Variants in GPR55 observed in about 807,000 individuals in gnomAD.
GPR55 encodes G protein-coupled receptor 55.
Under a neutral mutation model 7.9 loss-of-function variants are expected in GPR55, and 6 were observed. The ratio of observed to expected loss-of-function variants is 0.76; its 90% confidence interval spans 0.41 to 1.49. GPR55 has a LOEUF of 1.49. Ranked by LOEUF, GPR55 falls within the 40% of genes most tolerant of loss-of-function variation. GPR55 has a pLI of 0.01. For missense variants in GPR55, 376 were observed against 406.0 expected (o/e 0.93, Z 0.63); for synonymous variants, 183 against 166.8 (o/e 1.10, Z -0.75).
chr2:230,958,445 G>T (rs544616871), intron 1 of GPR55, among the ~76,000 whole-genome samples: 1 of 151,228 alleles, frequency 6.6e-6, no homozygotes, highest in Non-Finnish European at 1.5e-5. Flanking sequence ...AGTTATTATT[G>T]ACTATAGTCA....
At chr2:230,929,728 G>A (rs1239480798), upstream of GPR55, 1 of 152,208 alleles carries the variant, frequency 6.6e-6, no homozygotes, top group Non-Finnish European at 1.5e-5. Context: ...ATCACCGAAA[G>A]CCCACGGCAT....
chr2:230,925,942 G>A (rs550370379), upstream of GPR55, among the ~76,000 whole-genome samples: 15 of 152,256 alleles, frequency 9.9e-5, no homozygotes, highest in African/African-American at 1.9e-4. Flanking sequence ...AGACTCACCC[G>A]TGGGCCTGGG....
intron 1 of GPR55, among the ~76,000 whole-genome samples, chr2:230,958,809 G>T (rs1691528637): frequency 6.6e-6 from 1 of 152,134 alleles, no homozygotes; most frequent in African/African-American, 2.4e-5. Context: ...TCACCCTATG[G>T]CCTTAGCACC....
chr2:230,926,682 C>CTTTT (rs56318183), upstream of GPR55, among the ~76,000 whole-genome samples: 157 of 100,916 alleles, frequency 1.6e-3, no homozygotes, highest in Non-Finnish European at 2.2e-3. Context: ...TGGCTACCTT[C>CTTTT]TTTTTTTTTT....
intron 1 of GPR55, among the ~76,000 whole-genome samples, chr2:230,935,552 C>G (rs1310027154): frequency 2.0e-5 from 3 of 152,174 alleles, no homozygotes; most frequent in Non-Finnish European, 4.4e-5. Context: ...ACTGTGCGCA[C>G]CCATCCAGAT....
chr2:230,958,210 TATA>T (rs747789714), intron 1 of GPR55, among the ~76,000 whole-genome samples: 4 of 152,372 alleles, frequency 2.6e-5, no homozygotes, highest in East Asian at 3.9e-4. Flanking sequence ...TCAGCAGGCA[TATA>T]ATGTTAGTCT....
chr2:230,914,683 G>C (rs1690669476), intron 1 of GPR55, among the ~76,000 whole-genome samples: 1 of 152,136 alleles, frequency 6.6e-6, no homozygotes, highest in Non-Finnish European at 1.5e-5. Flanking sequence ...GCAGCAACTA[G>C]CACCATTTGC....
At position 230,910,683 on chromosome 2, in the gene GPR55, A is replaced by G. The variant is rs776815830; in HGVS notation, c.280T>C (p.Cys94Arg). 1.9e-6 allele frequency: 3 copies of G among 1,612,998 alleles called. No individual in the cohort carries two copies. The South Asian group carries it at 3.3e-5, about 18-fold the overall frequency. ...SQVQSPFPSLCTLVECLYFVS... is the reference protein window; with the variant it reads ...SQVQSPFPSLRTLVECLYFVS... ...AAGTAAAGGCACTCCACCAGGGTGCACAGGGACGGGAAGGGGGACTGTACC... is the reference window on the plus strand; with the variant it reads ...AAGTAAAGGCACTCCACCAGGGTGCGCAGGGACGGGAAGGGGGACTGTACC... The change falls in exon 2 of 2, where the codon TGC becomes CGC. Residue 94 changes from cysteine to arginine, a missense_variant. Transcript: ENST00000650999. The surrounding 1 kb of genome is among the most constrained non-coding windows in gnomAD (Gnocchi z 5.4).
At chr2:230,943,750 G>A (rs1020998583) in intron 1 of GPR55, among the ~76,000 whole-genome samples, 1 of 152,066 alleles carries the variant, frequency 6.6e-6, no homozygotes, top group Non-Finnish European at 1.5e-5. Flanking sequence ...TCCTTCTTGC[G>A]AGATCTGGCT....
At chr2:230,949,956 C>A (rs1324173232) in intron 1 of GPR55, among the ~76,000 whole-genome samples, 1 of 151,700 alleles carries the variant, frequency 6.6e-6, no homozygotes, top group Non-Finnish European at 1.5e-5. Flanking sequence ...GCCTCAGCCT[C>A]CCAAATAGCT....
chr2:230,946,230 G>A (rs1025519344), intron 1 of GPR55, among the ~76,000 whole-genome samples: 2 of 152,168 alleles, frequency 1.3e-5, no homozygotes, highest in Non-Finnish European at 2.9e-5. Context: ...GGTGTGGAAG[G>A]GGGAGATGTT....
intron 1 of GPR55, among the ~76,000 whole-genome samples, chr2:230,933,193 C>A (rs1286733629): frequency 1.5e-5 from 1 of 67,364 alleles, no homozygotes; most frequent in Non-Finnish European, 3.1e-5. Flanking sequence ...CAGCTCCCCC[C>A]TTCCCTCCGC....
At chr2:230,935,258 G>A (rs1691115325) in intron 1 of GPR55, among the ~76,000 whole-genome samples, 1 of 152,156 alleles carries the variant, frequency 6.6e-6, no homozygotes, top group Non-Finnish European at 1.5e-5. Flanking sequence ...ACAGAGGCAG[G>A]CACGTCTTAG....
chr2:230,922,594 A>C (rs1195497476), intron 1 of GPR55, among the ~76,000 whole-genome samples: 2 of 151,650 alleles, frequency 1.3e-5, no homozygotes, highest in Non-Finnish European at 2.9e-5. Flanking sequence ...TTTATTTTTG[A>C]GATGGAGTTT....
intron 1 of GPR55, among the ~76,000 whole-genome samples, chr2:230,948,158 A>G (rs1288340194): frequency 6.6e-6 from 1 of 150,916 alleles, no homozygotes; most frequent in Non-Finnish European, 1.5e-5. Context: ...CACAGCCCCT[A>G]TGCTTGGTCT....
At chr2:230,950,996 C>T (rs950983074) in intron 1 of GPR55, among the ~76,000 whole-genome samples, 2 of 152,280 alleles carry the variant, frequency 1.3e-5, no homozygotes, top group South Asian at 2.1e-4. Flanking sequence ...TCCCCTATAC[C>T]TTGCCCTGTG....
At chr2:230,950,708 C>T (rs1347829901) in intron 1 of GPR55, among the ~76,000 whole-genome samples, 1 of 152,174 alleles carries the variant, frequency 6.6e-6, no homozygotes, top group African/African-American at 2.4e-5. Flanking sequence ...GTCCCTGTTA[C>T]AGTCTCGTGT....
chr2:230,954,350 A>G lies in GPR55; in HGVS notation c.-135+6425T>C, dbSNP rs74571990. Among the ~76,000 whole-genome samples the G allele has an allele frequency of 3.5e-3, 537 of 152,374 alleles. 3 individuals carry two copies. Among genetic ancestry groups the G allele is most frequent in the African/African-American group, 0.012 (508 of 41,596 alleles). On this transcript the variant is annotated intron_variant, in intron 1 of 1. Transcript: ENST00000392039. ...GGCTGGCTATCATTCTGTGTCCTGA[A>G]GAGGACTCGGCTTAACTCTCTTCTA...
chr2:230,942,506 A>T (rs1480481868), intron 1 of GPR55, among the ~76,000 whole-genome samples: 1 of 152,204 alleles, frequency 6.6e-6, no homozygotes, highest in African/African-American at 2.4e-5. Flanking sequence ...TGGAAGAGGC[A>T]GGTGTGGGGG....
Sources: allele counts gnomAD v4.1 joint callset (sites outside exome capture counted in the v4.1 genomes callset), GRCh38; gene constraint gnomAD v4.1.1; non-coding constraint Gnocchi (gnomAD v3.1); transcripts MANE v1.5; gene names NCBI Gene and HGNC (gene_info 2026-07-23, HGNC 2026-07-21).